The following UNC5D variants were observed in gnomAD, a reference collection of about 807,000 sequenced individuals.
UNC5D encodes the protein unc-5 netrin receptor D.
UNC5D carries 39 observed loss-of-function variants against 105.4 expected under a neutral mutation model. The observed-to-expected ratio is 0.37, with a 90% CI of 0.29 to 0.48. UNC5D has a LOEUF of 0.48. Ranked by LOEUF, UNC5D falls within the 20% of genes least tolerant of loss-of-function variation. The pLI is 0.98. For missense variants in UNC5D, 991 were observed against 1,202.4 expected, an observed-to-expected ratio of 0.82 and a Z score of 2.60; for synonymous variants, 452 against 450.4, an observed-to-expected ratio of 1.00 and a Z score of -0.04.
chr8:35,242,323 G>C (rs1802853995), intron 1 of UNC5D, among the ~76,000 whole-genome samples: 1 of 152,160 alleles, frequency 6.6e-6, no homozygotes, highest in Non-Finnish European at 1.5e-5. Context: ...ATTTGGGAAG[G>C]TAAGTAACTG....
chr8:35,554,779 A>G (rs1029780664), intron 2 of UNC5D, among the ~76,000 whole-genome samples: 1 of 152,176 alleles, frequency 6.6e-6, no homozygotes, highest in Non-Finnish European at 1.5e-5. Context: ...TCGAATTCTA[A>G]TGAGTGAAAT....
intron 4 of UNC5D, among the ~76,000 whole-genome samples, chr8:35,683,271 T>G (rs1348630460): frequency 2.0e-5 from 3 of 152,206 alleles, no homozygotes; most frequent in Non-Finnish European, 2.9e-5. Context: ...ACCTCTTTTC[T>G]CTCCTCCACT....
chr8:35,685,937 T>C (rs57959385), intron 6 of UNC5D, among the ~76,000 whole-genome samples: 4,771 of 152,240 alleles, frequency 0.031, 269 homozygotes, highest in African/African-American at 0.11. Context: ...ACATCTGCCA[T>C]GATCTCTAGG....
At chr8:35,663,590 G>A (rs1195639411) in intron 4 of UNC5D, among the ~76,000 whole-genome samples, 1 of 152,178 alleles carries the variant, frequency 6.6e-6, no homozygotes. Flanking sequence ...GGAGGTGTAT[G>A]CAGTGGTGAC....
chr8:35,545,756 C>T (rs1217148712), intron 1 of UNC5D, among the ~76,000 whole-genome samples: 1 of 152,158 alleles, frequency 6.6e-6, no homozygotes. Context: ...CACCTTCCCA[C>T]TGCCACTCTA....
intron 1 of UNC5D, among the ~76,000 whole-genome samples, chr8:35,454,378 A>G (rs552227255): frequency 6.6e-6 from 1 of 152,240 alleles, no homozygotes; most frequent in South Asian, 2.1e-4. Context: ...TGTCACTTTG[A>G]TATAAAAGGG....
rs11380512 is a variant in UNC5D at position 35,749,989 on chromosome 8, T to TAAAAAAAAAAA, written c.1936-591_1936-581dup. On this transcript the variant is annotated intron_variant, in intron 12 of 16. Transcript: ENST00000404895. Reference sequence around the variant, plus strand: ...TTTAAAGAGTTGTCAGAAATAGTTGTAAAAAAAAAAAAGTTTGCTTATTGA... The same window carrying TAAAAAAAAAAA: ...TTTAAAGAGTTGTCAGAAATAGTTGTAAAAAAAAAAAAAAAAAAAAAAAGTTTGCTTATTGA... Among the ~76,000 whole-genome samples the TAAAAAAAAAAA allele has an allele frequency of 7.7e-3, 1,059 of 136,902 alleles. 54 individuals are homozygous for TAAAAAAAAAAA. Among genetic ancestry groups the TAAAAAAAAAAA allele is most frequent in the African/African-American group, 0.033 (988 of 29,906 alleles). The allele number at this position is 136,902 out of a possible 152,430, so 89.8% of individuals were successfully genotyped here.
At chr8:35,370,350 G>A (rs1802361163) in intron 1 of UNC5D, among the ~76,000 whole-genome samples, 2 of 152,274 alleles carry the variant, frequency 1.3e-5, no homozygotes, top group East Asian at 1.9e-4. Flanking sequence ...AGTTGGATCT[G>A]TTGAATACCT....
At chr8:35,574,857 C>G (rs1817986773) in intron 3 of UNC5D, among the ~76,000 whole-genome samples, 1 of 152,088 alleles carries the variant, frequency 6.6e-6, no homozygotes, top group African/African-American at 2.4e-5. Context: ...TTTTCCCCTC[C>G]TTGACTTGCT....
At chr8:35,460,570 C>T (rs895056095) in intron 1 of UNC5D, among the ~76,000 whole-genome samples, 1 of 152,204 alleles carries the variant, frequency 6.6e-6, no homozygotes, top group African/African-American at 2.4e-5. Flanking sequence ...TGCTAAACCA[C>T]AATGCCAATT....
At chr8:35,659,162 G>A (rs551206263) in intron 4 of UNC5D, among the ~76,000 whole-genome samples, 2 of 152,224 alleles carry the variant, frequency 1.3e-5, no homozygotes, top group South Asian at 4.1e-4. Flanking sequence ...AACAAAAGTA[G>A]AAGCTGATTT....
chr8:35,472,508 G>T (rs781580310), intron 1 of UNC5D, among the ~76,000 whole-genome samples: 1 of 152,206 alleles, frequency 6.6e-6, no homozygotes, highest in South Asian at 2.1e-4. Context: ...GCAACCAGGT[G>T]AACTATAACC....
intron 1 of UNC5D, among the ~76,000 whole-genome samples, chr8:35,251,606 T>A (rs1585416980): frequency 6.6e-6 from 1 of 152,188 alleles, no homozygotes; most frequent in Admixed American, 6.5e-5. Flanking sequence ...AATGTGATTA[T>A]ATGGAAAGAT....
intron 1 of UNC5D, among the ~76,000 whole-genome samples, chr8:35,273,654 G>T (rs902845073): frequency 1.3e-5 from 2 of 152,130 alleles, no homozygotes; most frequent in African/African-American, 2.4e-5. Flanking sequence ...CTGAAACTCA[G>T]GAAAAAGATA....
chr8:35,620,884 A>G (rs755882453), intron 4 of UNC5D, among the ~76,000 whole-genome samples: 11 of 152,174 alleles, frequency 7.2e-5, no homozygotes, highest in Non-Finnish European at 1.3e-4. Flanking sequence ...CCAGTCATTC[A>G]ACACTGAAGA....
intron 1 of UNC5D, among the ~76,000 whole-genome samples, chr8:35,381,846 G>C (rs1455330835): frequency 6.6e-6 from 1 of 152,142 alleles, no homozygotes; most frequent in African/African-American, 2.4e-5. Flanking sequence ...CAGAGCCGGT[G>C]CCTCCTCTCC....
At chr8:35,338,664 C>T (rs1811230912) in intron 1 of UNC5D, among the ~76,000 whole-genome samples, 1 of 152,162 alleles carries the variant, frequency 6.6e-6, no homozygotes, top group Non-Finnish European at 1.5e-5. Flanking sequence ...CCATCTCTGA[C>T]TTCACTGTGC....
At chr8:35,693,696 A>C (rs1826564278) in intron 7 of UNC5D, among the ~76,000 whole-genome samples, 1 of 151,956 alleles carries the variant, frequency 6.6e-6, no homozygotes, top group Non-Finnish European at 1.5e-5. Flanking sequence ...CTTTAACGAT[A>C]TCTCCTTCTA....
At chr8:35,610,598 C>T (rs1381530719) in intron 4 of UNC5D, among the ~76,000 whole-genome samples, 3 of 152,002 alleles carry the variant, frequency 2.0e-5, no homozygotes, top group South Asian at 2.1e-4. Flanking sequence ...CCTAGGAGAT[C>T]GGATGCCTAG....
Sources: gnomAD v4.1 joint callset for allele counts (sites outside exome capture counted in the v4.1 genomes callset) on GRCh38, gnomAD v4.1.1 for gene constraint, MANE v1.5 for transcripts, NCBI Gene and HGNC (gene_info 2026-07-23, HGNC 2026-07-21) for gene names.